The following ATP1A3 variants were observed in gnomAD, a reference collection of about 807,000 sequenced individuals.
ATP1A3 encodes ATPase Na+/K+ transporting subunit alpha 3.
A neutral mutation model predicts 108.8 loss-of-function variants in ATP1A3; 12 were observed. The observed-to-expected ratio is 0.11, with a 90% CI of 0.07 to 0.18. The LOEUF (loss-of-function observed/expected upper bound fraction) is 0.18. Ranked by LOEUF, ATP1A3 falls within the 10% of genes least tolerant of loss-of-function variation. The probability of loss-of-function intolerance (pLI) is 1.00; values close to 1 mark genes in which losing one functional copy is unlikely to be tolerated. For missense variants in ATP1A3, 498 were observed against 1,387.7 expected, an observed-to-expected ratio of 0.36 and a Z score of 10.19; for synonymous variants, 539 against 564.5, an observed-to-expected ratio of 0.95 and a Z score of 0.64.
intron 8 of ATP1A3, among the ~76,000 whole-genome samples, chr19:41,983,564 A>T (rs1318170056): frequency 3.4e-5 from 5 of 147,284 alleles, no homozygotes; most frequent in Non-Finnish European, 6.0e-5. Flanking sequence ...CAGAGAAAAA[A>T]TTTTTAAAAA....
chr19:41,968,694 C>A lies in ATP1A3; in HGVS notation c.2819+91G>T. 5.7e-6 allele frequency: 9 copies of A among 1,589,070 alleles called. No individual in the cohort carries two copies. Among genetic ancestry groups the A allele is most frequent in the Non-Finnish European group, 7.7e-6 (9 of 1,165,450 alleles). On this transcript the variant is annotated intron_variant, in intron 20 of 22. Coordinates refer to ENST00000648268, the MANE Select transcript of ATP1A3 (RefSeq NM_152296.5). This position sits in a 1 kb window ranked among gnomAD's most constrained non-coding sequence, Gnocchi z 5.0. ...CTGCCTCAACAAAACAACAAAAAAC[C>A]AAAGCAAGGACACAAGAGGAAGTAC...
rs1555859060 is a variant in ATP1A3, at chr19:41,968,235, TG to T, written c.2820-473del. Among the ~76,000 whole-genome samples the T allele has an allele frequency of 6.6e-6, 1 of 152,124 alleles. No individual in the cohort carries two copies. The highest frequency in any genetic ancestry group is 1.5e-5 in the Non-Finnish European group (1 of 68,014). On this transcript the variant is annotated intron_variant, in intron 20 of 22. Coordinates refer to ENST00000648268, the MANE Select transcript of ATP1A3 (RefSeq NM_152296.5). This position sits in a 1 kb window ranked among gnomAD's most constrained non-coding sequence, Gnocchi z 5.0. ...TGCAGTGGCAAAACCCAAAATGGGC[TG>T]GGCATGGTGGCTCACACCTGTAATC...
Position 41,985,446 on chromosome 19 carries a change from G to T in ATP1A3, c.607-23C>A. 4 of 1,601,232 alleles carry T rather than the reference G, an allele frequency of 2.5e-6. No individual in the cohort carries two copies. Among genetic ancestry groups the T allele is most frequent in the Non-Finnish European group, 3.4e-6 (4 of 1,168,298 alleles). ...CACCTGGGGGTAGGTGCAGCAGAGA[G>T]AGGGTTCAGTCCAGGGCCTGGGACA... On this transcript the variant is annotated intron_variant, in intron 6 of 22. Transcript: ENST00000648268. This position sits in a 1 kb window ranked among gnomAD's most constrained non-coding sequence, Gnocchi z 8.2.
At chr19:41,970,908 A>AG (rs561871940) in intron 16 of ATP1A3, among the ~76,000 whole-genome samples, 28 of 151,932 alleles carry the variant, frequency 1.8e-4, no homozygotes, top group Admixed American at 1.2e-3. Context: ...CTGGGATTAC[A>AG]GGCGTGAGCC....
rs781957854 is a variant in ATP1A3, at chr19:41,976,399, G to T, written c.2094+17C>A. 15 of 1,613,956 alleles carry T rather than the reference G, an allele frequency of 9.3e-6. No individual in the cohort carries two copies. Among genetic ancestry groups the T allele is most frequent in the Non-Finnish European group, 1.3e-5 (15 of 1,179,990 alleles). ...GAGTCAAGGCCCCGTCCCCTCCTCT[G>T]CGGGAGCGCAGCCCACCTGTCTCTG... is the stretch of plus-strand genomic sequence containing the variant. On this transcript the variant is annotated intron_variant, in intron 15 of 22. Transcript: ENST00000648268.
chr19:41,987,372 C>T (rs1174509615), intron 4 of ATP1A3, among the ~76,000 whole-genome samples: 2 of 152,094 alleles, frequency 1.3e-5, no homozygotes, highest in African/African-American at 4.8e-5. Flanking sequence ...CAGTGTATAT[C>T]TGAGTCTGTG....
chr19:41,969,640 G>A, intron 18 of ATP1A3, 60 bp from the exon 19 acceptor site: 2 of 1,607,454 alleles, frequency 1.2e-6, no homozygotes, highest in Non-Finnish European at 1.7e-6. Context: ...AGCCAACCCA[G>A]GGCACCTCAG....
chr19:41,968,239 C>T lies in ATP1A3; in HGVS notation c.2820-476G>A, dbSNP rs1243576772. ...GTGGCAAAACCCAAAATGGGCTGGG[C>T]ATGGTGGCTCACACCTGTAATCCTA... is the stretch of plus-strand genomic sequence containing the variant. On this transcript the variant is annotated intron_variant, in intron 20 of 22. Transcript: ENST00000648268. The surrounding 1 kb of genome is among the most constrained non-coding windows in gnomAD (Gnocchi z 5.0). Among the ~76,000 whole-genome samples, 1 of 152,178 alleles carries T rather than the reference C, an allele frequency of 6.6e-6. No individual in the cohort carries two copies. The highest frequency in any genetic ancestry group is 2.4e-5 in the African/African-American group (1 of 41,450).
At position 41,976,630 on chromosome 19, in the gene ATP1A3, T is replaced by G. The variant is rs1258773952; in HGVS notation, c.1944-64A>C. Reference sequence around the variant, plus strand: ...GTGTGAGGAGTGGCAAAGTGATCCCTGAAAGACAGAGAAACAGAGGGGCCA... The same window carrying G: ...GTGTGAGGAGTGGCAAAGTGATCCCGGAAAGACAGAGAAACAGAGGGGCCA... On this transcript the variant is annotated intron_variant, in intron 14 of 22. Coordinates refer to ENST00000648268, the MANE Select transcript of ATP1A3 (RefSeq NM_152296.5). 1.9e-6 allele frequency: 3 copies of G among 1,605,472 alleles called. No homozygotes were observed. The African/African-American group carries it at 4.0e-5, about 22-fold the overall frequency.
In ATP1A3 at chr19:41,981,867, G is replaced by A. The variant is rs189920724; in HGVS notation, c.1193-36C>T. On this transcript the variant is annotated intron_variant, in intron 9 of 22. Transcript: ENST00000648268. The surrounding 1 kb of genome is among the most constrained non-coding windows in gnomAD (Gnocchi z 5.0). ...CATGTGTGAGGGCCAGGGACTCCTGGAGCCAGGCCCCCATGGTCCTCACCC... is the reference window on the plus strand; with the variant it reads ...CATGTGTGAGGGCCAGGGACTCCTGAAGCCAGGCCCCCATGGTCCTCACCC... The A allele has an allele frequency of 3.1e-6, 5 of 1,614,106 alleles. No individual in the cohort carries two copies. The highest frequency in any genetic ancestry group is 3.4e-6 in the Non-Finnish European group (4 of 1,180,046).
At chr19:41,983,746 C>T (rs2075258436) in intron 8 of ATP1A3, among the ~76,000 whole-genome samples, 1 of 147,870 alleles carries the variant, frequency 6.8e-6, no homozygotes, top group South Asian at 2.1e-4. Flanking sequence ...TGTACCACCA[C>T]GCCTGGCTAA....
In ATP1A3 at chr19:41,978,688, C is replaced by T. The variant is rs2075198241; in HGVS notation, c.1548G>A (p.Lys516=). The T allele has an allele frequency of 1.2e-6, 2 of 1,614,168 alleles. No individual in the cohort carries two copies. The highest frequency in any genetic ancestry group is 3.3e-4 in the Middle Eastern group (2 of 6,062). The part of the protein sequence containing the change: ...DRCSTILLQG[K]EQPLDEEMKE... The stretch of plus-strand genomic sequence containing the variant: ...TCATTTCCTCGTCCAGAGGCTGCTC[C>T]TTGCCCTGTAGCAGGATGGTGGAGC... The change falls in exon 12 of 23, where the codon AAG becomes AAA. Residue 516 remains lysine, a synonymous_variant. Coordinates refer to ENST00000648268, the MANE Select transcript of ATP1A3 (RefSeq NM_152296.5). The surrounding 1 kb of genome is among the most constrained non-coding windows in gnomAD (Gnocchi z 8.3).
rs886054475 is a variant in ATP1A3 at position 41,985,426 on chromosome 19, G to A, written c.607-3C>T. 2.5e-6 allele frequency: 4 copies of A among 1,613,136 alleles called. No homozygotes were observed. The highest frequency in any genetic ancestry group is 1.7e-6 in the Non-Finnish European group (2 of 1,179,106). On this transcript the variant is annotated splice_region_variant and splice_polypyrimidine_tract_variant and intron_variant, in intron 6 of 22. Transcript: ENST00000648268. This position sits in a 1 kb window ranked among gnomAD's most constrained non-coding sequence, Gnocchi z 8.2. ...CCAGTCAGGGAGGAGTTGTCCACCT[G>A]GGGGTAGGTGCAGCAGAGAGAGGGT...
chr19:41,977,146 A>C (rs181069033), intron 14 of ATP1A3, among the ~76,000 whole-genome samples: 11 of 151,912 alleles, frequency 7.2e-5, no homozygotes, highest in African/African-American at 2.4e-4. Flanking sequence ...ATAAATGGAC[A>C]AGCTGAAGGA....
chr19:41,978,361 C>T lies in ATP1A3; in HGVS notation c.1631-35G>A, dbSNP rs539332079. 1.7e-5 allele frequency: 26 copies of T among 1,570,308 alleles called. No homozygotes were observed. The East Asian group carries it at 5.6e-4, about 34-fold the overall frequency. On this transcript the variant is annotated intron_variant, in intron 12 of 22. Transcript: ENST00000648268. The surrounding 1 kb of genome is among the most constrained non-coding windows in gnomAD (Gnocchi z 8.3). Reference sequence around the variant, plus strand: ...GGGAAGGGTTGGGGTGTGAGGGTCCCAGCCTCGGAACCTCCGCCCCATGCC... The same window carrying T: ...GGGAAGGGTTGGGGTGTGAGGGTCCTAGCCTCGGAACCTCCGCCCCATGCC...
chr19:41,978,406 C>T lies in ATP1A3; in HGVS notation c.1631-80G>A, dbSNP rs1322228523. The T allele has an allele frequency of 1.8e-5, 27 of 1,515,880 alleles. No homozygotes were observed. The highest frequency in any genetic ancestry group is 1.8e-4 in the Middle Eastern group (1 of 5,426). The allele number at this position is 1,515,880 out of a possible 1,614,324, so 93.9% of individuals were successfully genotyped here. On this transcript the variant is annotated intron_variant, in intron 12 of 22. Transcript: ENST00000648268. This position sits in a 1 kb window ranked among gnomAD's most constrained non-coding sequence, Gnocchi z 8.3. Reference sequence around the variant, plus strand: ...CATGCCCCTAGATGTCTGCATCGCCCGCATTCCATCTCCCCATCAGCAAGA... The same window carrying T: ...CATGCCCCTAGATGTCTGCATCGCCTGCATTCCATCTCCCCATCAGCAAGA...
At chr19:41,990,285 C>G (rs1177467064) in intron 1 of ATP1A3, among the ~76,000 whole-genome samples, 2 of 151,528 alleles carry the variant, frequency 1.3e-5, no homozygotes, top group East Asian at 2.0e-4. Context: ...GGGATCTCCT[C>G]TCTATCTCTG....
In ATP1A3 at chr19:41,967,541, CAGAATGGGGACT is replaced by C; in HGVS notation, c.2921+109_2921+120del. 1 of 1,224,258 alleles carries C rather than the reference CAGAATGGGGACT, an allele frequency of 8.2e-7. No homozygotes were observed. 75.8% of individuals were successfully genotyped at this position (1,224,258 alleles called of 1,614,324 possible). A position where few individuals can be genotyped will look rare whatever the true frequency, so the allele number is the denominator to read the frequency against. ...GCCTATGGGGGAGGCTCGGGGGCATCAGAATGGGGACTGCAGTGGGGACACCAGGGGAGGTGG... is the reference window on the plus strand; with the variant it reads ...GCCTATGGGGGAGGCTCGGGGGCATCGCAGTGGGGACACCAGGGGAGGTGG... On this transcript the variant is annotated intron_variant, in intron 21 of 22. Coordinates refer to ENST00000648268, the MANE Select transcript of ATP1A3 (RefSeq NM_152296.5). This position sits in a 1 kb window ranked among gnomAD's most constrained non-coding sequence, Gnocchi z 4.2.
chr19:41,990,297 ATC>A (rs1317777195), intron 1 of ATP1A3, among the ~76,000 whole-genome samples: 1 of 136,328 alleles, frequency 7.3e-6, no homozygotes, highest in Non-Finnish European at 1.6e-5. Flanking sequence ...CTATCTCTGA[ATC>A]TCTCTTTCTC....
Sources: allele counts gnomAD v4.1 joint callset (sites outside exome capture counted in the v4.1 genomes callset), GRCh38; gene constraint gnomAD v4.1.1; non-coding constraint Gnocchi (gnomAD v3.1); transcripts MANE v1.5; gene names NCBI Gene and HGNC (gene_info 2026-07-23, HGNC 2026-07-21).